The following DAGLB variants were observed in gnomAD, a reference collection of about 807,000 sequenced individuals.
DAGLB encodes the protein diacylglycerol lipase-beta.
DAGLB carries 66 observed loss-of-function variants against 72.1 expected under a neutral mutation model. That is an observed-to-expected ratio of 0.92 (90% CI 0.75 to 1.12). The LOEUF is 1.12. Among genes scored for constraint, DAGLB ranks in the 50% most tolerant of loss-of-function variants. The pLI, the probability that DAGLB is intolerant of heterozygous loss-of-function variation, is 0.00. For missense variants in DAGLB, 1,065 were observed against 884.9 expected (o/e 1.20, Z -2.58); for synonymous variants, 414 against 359.5 (o/e 1.15, Z -1.71).
intron 13 of DAGLB, among the ~76,000 whole-genome samples, chr7:6,412,340 G>A (rs1045548958): frequency 6.6e-6 from 1 of 152,190 alleles, no homozygotes; most frequent in African/African-American, 2.4e-5. Context: ...CTATTTGGCA[G>A]CCTTGCTTTC....
chr7:6,412,991 C>A lies in DAGLB; in HGVS notation c.1471G>T (p.Val491Phe). ...CTGGGAATCACATCCTTCCCCAGGACGAGTGACACGATGAAGCTCTGAGAA... is the reference window on the plus strand; with the variant it reads ...CTGGGAATCACATCCTTCCCCAGGAAGAGTGACACGATGAAGCTCTGAGAA... ...EYSQSFIVSL[V>F]LGKDVIPRLS... Residue 491 changes from valine (V) to phenylalanine (F), a missense_variant, in exon 12 of 15, where the codon GTC (valine) becomes TTC (phenylalanine). Transcript: ENST00000297056. 6.2e-7 allele frequency: 1 copy of A among 1,613,930 alleles called. No individual in the cohort carries two copies. The highest frequency in any genetic ancestry group is 8.5e-7 in the Non-Finnish European group (1 of 1,179,918).
At chr7:6,430,678 C>T (rs945334727) in intron 5 of DAGLB, 71 bp from the exon 6 acceptor site, 32 of 1,393,616 alleles carry the variant, frequency 2.3e-5, no homozygotes, top group Non-Finnish European at 3.0e-5. Context: ...ACACTGAGAC[C>T]TGAAACCTGA....
intron 13 of DAGLB, among the ~76,000 whole-genome samples, chr7:6,411,039 C>A (rs933215857): frequency 2.0e-5 from 3 of 152,176 alleles, no homozygotes; most frequent in Admixed American, 6.5e-5. Context: ...CACCCGCCAC[C>A]GCACCCGGCT....
intron 1 of DAGLB, among the ~76,000 whole-genome samples, chr7:6,447,501 A>C (rs1785047737): frequency 6.6e-6 from 1 of 152,128 alleles, no homozygotes; most frequent in Admixed American, 6.5e-5. Flanking sequence ...GCGGACTTCG[A>C]AACCCCCTGT....
At chr7:6,432,677 A>T (rs1383560481) in intron 5 of DAGLB, among the ~76,000 whole-genome samples, 160 bp downstream of exon 5, 10 of 60,792 alleles carry the variant, frequency 1.6e-4, no homozygotes, top group Admixed American at 2.1e-4. Context: ...AAAAAAAAAA[A>T]GGTGGGAGAG....
chr7:6,438,284 G>A (rs934182950), intron 2 of DAGLB, among the ~76,000 whole-genome samples: 3 of 152,016 alleles, frequency 2.0e-5, no homozygotes, highest in African/African-American at 7.2e-5. Context: ...ACACCAACAT[G>A]GCACATGTAC....
intron 11 of DAGLB, among the ~76,000 whole-genome samples, chr7:6,414,494 C>T (rs904515703): frequency 1.4e-4 from 21 of 150,988 alleles, no homozygotes; most frequent in South Asian, 2.1e-4. Context: ...TGTAAGGAAC[C>T]GGGTCTATGT....
chr7:6,418,664 T>C (rs555299804), intron 9 of DAGLB, among the ~76,000 whole-genome samples: 3 of 119,178 alleles, frequency 2.5e-5, no homozygotes, highest in Non-Finnish European at 4.6e-5. Context: ...ACAAGTTTCT[T>C]TTTTTGTTTT....
chr7:6,447,713 G>A, intron 1 of DAGLB, 35 bp downstream of exon 1: 1 of 1,599,768 alleles, frequency 6.3e-7, no homozygotes, highest in Non-Finnish European at 8.5e-7. Flanking sequence ...TCCCTCTCCG[G>A]TGGGCTCCAC....
chr7:6,445,979 GAC>G lies in DAGLB; in HGVS notation c.219_220del (p.Ala75HisfsTer12), dbSNP rs750056352. ...TCTCATGCTGACACACATGATGGCT[GAC>G]ACAGTACATATGACAACTGCCAGGA... On this transcript the variant is annotated frameshift_variant, in exon 2 of 15. Coordinates refer to ENST00000297056, the MANE Select transcript of DAGLB (RefSeq NM_139179.4). LOFTEE classifies it high-confidence loss of function. 5 of 1,610,044 alleles carry G rather than the reference GAC, an allele frequency of 3.1e-6. No homozygotes were observed. The highest frequency in any genetic ancestry group is 3.4e-5 in the Admixed American group (2 of 58,566).
chr7:6,440,042 ACT>A lies in DAGLB; in HGVS notation c.248-3511_248-3510del, dbSNP rs1484925643. Among the ~76,000 whole-genome samples the A allele has an allele frequency of 2.3e-5, 3 of 131,656 alleles. No individual in the cohort carries two copies. The East Asian group carries it at 7.3e-4, about 32-fold the overall frequency. 86.4% of individuals were successfully genotyped at this position (131,656 alleles called of 152,430 possible). ...ACTCCAGCCTGGGTGATGGAGAAAG[ACT>A]CTGTCTCAAAAAAAAAAAAAAAAGA... On this transcript the variant is annotated intron_variant, in intron 2 of 14. Coordinates refer to ENST00000297056, the MANE Select transcript of DAGLB (RefSeq NM_139179.4).
At chr7:6,415,914 C>G (rs1257235779) in intron 11 of DAGLB, among the ~76,000 whole-genome samples, 1 of 151,892 alleles carries the variant, frequency 6.6e-6, no homozygotes, top group African/African-American at 2.4e-5. Context: ...TGCATGTGTC[C>G]CCACCCAGGG....
chr7:6,429,975 C>T (rs1214725632), intron 6 of DAGLB, among the ~76,000 whole-genome samples: 3 of 151,852 alleles, frequency 2.0e-5, no homozygotes, highest in East Asian at 2.0e-4. Flanking sequence ...ACCAGGGAGG[C>T]GGAGCTTGCA....
At chr7:6,419,623 C>A (rs926674995) in intron 9 of DAGLB, among the ~76,000 whole-genome samples, 4 of 152,198 alleles carry the variant, frequency 2.6e-5, no homozygotes, top group Admixed American at 2.0e-4. Context: ...AAGGGATGAA[C>A]TGTCACTAAA....
chr7:6,435,044 G>T, intron 3 of DAGLB, 24 bp from the exon 4 acceptor site: 1 of 1,610,062 alleles, frequency 6.2e-7, no homozygotes. Flanking sequence ...AGAGGAAAAG[G>T]CTCGGTGACT....
In DAGLB at chr7:6,426,101, T is replaced by C. The variant is rs1784303317; in HGVS notation, c.943A>G (p.Thr315Ala). The C allele has an allele frequency of 1.2e-6, 2 of 1,613,650 alleles. No individual in the cohort carries two copies. Among genetic ancestry groups the C allele is most frequent in the African/African-American group, 2.7e-5 (2 of 74,920 alleles). ...RIGGDCCRSR[T>A]TDYDLVGGDQ... ...CCTCCGACCAAGTCATAGTCTGTGG[T>C]TCTGCTTCTGCAGCTAAAAAGAGGA... is the stretch of plus-strand genomic sequence containing the variant. The change falls in exon 7 of 15, where the codon ACC becomes GCC. Residue 315 changes from threonine to alanine, a missense_variant. Physicochemically the swap from Thr to Ala is moderately conservative, Grantham distance 58. Coordinates refer to ENST00000297056, the MANE Select transcript of DAGLB (RefSeq NM_139179.4).
intron 8 of DAGLB, 79 bp from the exon 9 acceptor site, chr7:6,421,883 G>A: frequency 1.4e-6 from 2 of 1,479,806 alleles, no homozygotes; most frequent in Non-Finnish European, 1.9e-6. Context: ...CCCTGCTCCT[G>A]ACACTTCTGT....
At chr7:6,443,249 TAAAA>T (rs60124255) in intron 2 of DAGLB, among the ~76,000 whole-genome samples, 11,000 of 78,212 alleles carry the variant, frequency 0.14, 888 homozygotes, top group African/African-American at 0.29. Context: ...TTGTCTCTAC[TAAAA>T]AAAAAAAAAA....
chr7:6,432,713 G>A lies in DAGLB; in HGVS notation c.801+124C>T. On this transcript the variant is annotated intron_variant, in intron 5 of 14. Coordinates refer to ENST00000297056, the MANE Select transcript of DAGLB (RefSeq NM_139179.4). ...GGGAGGGAAGGGGAGGAGGGGGAGG[G>A]GAGGGAGGGGAAAGGGGAATGAAGG... is the stretch of plus-strand genomic sequence containing the variant. 4 of 1,220,718 alleles carry A rather than the reference G, an allele frequency of 3.3e-6. 1 individual carries two copies. In the South Asian group the frequency reaches 7.6e-5, roughly 23 times the overall value. The allele number at this position is 1,220,718 out of a possible 1,614,324, so 75.6% of individuals were successfully genotyped here.
Sources: gnomAD v4.1 joint callset for allele counts (sites outside exome capture counted in the v4.1 genomes callset) on GRCh38, gnomAD v4.1.1 for gene constraint, MANE v1.5 for transcripts, NCBI Gene and HGNC (gene_info 2026-07-23, HGNC 2026-07-21) for gene names.